Variants in ZPBP observed in about 807,000 individuals in gnomAD.
The protein encoded by ZPBP is zona pellucida binding protein, also known as zona pellucida-binding protein 1.
A neutral mutation model predicts 44.8 loss-of-function variants in ZPBP; 26 were observed. That is an observed-to-expected ratio of 0.58 (90% CI 0.43 to 0.81). The LOEUF is 0.81. Ranked by LOEUF, ZPBP falls within the 30% of genes least tolerant of loss-of-function variation. The probability of loss-of-function intolerance (pLI) is 0.00; values close to 1 mark genes in which losing one functional copy is unlikely to be tolerated. For synonymous variants in ZPBP, 174 were observed against 153.2 expected, an observed-to-expected ratio of 1.14 and a Z score of -1.00; for missense variants, 409 against 434.0, an observed-to-expected ratio of 0.94 and a Z score of 0.51.
intron 4 of ZPBP, among the ~76,000 whole-genome samples, chr7:50,031,627 C>T (rs1043086086): frequency 1.9e-4 from 29 of 152,120 alleles, no homozygotes; most frequent in Non-Finnish European, 3.5e-4. Context: ...AAGATTCTAA[C>T]TTACCGAGCC....
intron 6 of ZPBP, among the ~76,000 whole-genome samples, chr7:49,990,500 A>G (rs749006574): frequency 6.6e-6 from 1 of 152,186 alleles, no homozygotes; most frequent in African/African-American, 2.4e-5. Context: ...CCCTCTTTCT[A>G]GATGAGTAGC....
chr7:50,089,605 T>C (rs751224759), intron 2 of ZPBP, 24 bp downstream of exon 2: 4 of 1,530,558 alleles, frequency 2.6e-6, no homozygotes, highest in Non-Finnish European at 3.6e-6. Flanking sequence ...TTTTAAAAAT[T>C]AGTGAAAATA....
chr7:50,076,117 G>A (rs144233699), intron 3 of ZPBP, among the ~76,000 whole-genome samples: 24 of 151,884 alleles, frequency 1.6e-4, no homozygotes, highest in Admixed American at 4.6e-4. Flanking sequence ...ATCAATCAGC[G>A]TGATATATCA....
rs1801051007 is a variant in ZPBP at position 50,057,974 on chromosome 7, AACTTT to A, written c.487+10_487+14del. Reference sequence around the variant, plus strand: ...CATTAAGAAAGGTTAAAACACAACTAACTTTACTTCTTACCATATATAGCATATTT... The same window carrying A: ...CATTAAGAAAGGTTAAAACACAACTAACTTCTTACCATATATAGCATATTT... On this transcript the variant is annotated intron_variant, in intron 4 of 7. Transcript: ENST00000046087. 1 of 1,602,316 alleles carries A rather than the reference AACTTT, an allele frequency of 6.2e-7. No individual in the cohort carries two copies. The highest frequency in any genetic ancestry group is 1.1e-5 in the South Asian group (1 of 90,422).
chr7:50,015,678 C>T (rs549416338), intron 6 of ZPBP, among the ~76,000 whole-genome samples: 10 of 125,300 alleles, frequency 8.0e-5, no homozygotes, highest in Admixed American at 1.6e-4. Context: ...GGTCTAATAT[C>T]CAGAATCTAT....
At chr7:50,016,275 C>G (rs1185878802) in intron 6 of ZPBP, among the ~76,000 whole-genome samples, 1 of 152,146 alleles carries the variant, frequency 6.6e-6, no homozygotes, top group Non-Finnish European at 1.5e-5. Context: ...ATGAATGCAG[C>G]TGGAGGCCAT....
chr7:50,012,637 TAGAAG>T (rs1798639027), intron 6 of ZPBP, among the ~76,000 whole-genome samples: 1 of 150,404 alleles, frequency 6.6e-6, no homozygotes, highest in African/African-American at 2.5e-5. Flanking sequence ...AAATTGGGAA[TAGAAG>T]AGAACTTCCT....
intron 5 of ZPBP, among the ~76,000 whole-genome samples, chr7:50,026,539 A>G (rs1012459330): frequency 6.6e-6 from 1 of 151,996 alleles, no homozygotes; most frequent in African/African-American, 2.4e-5. Context: ...AAAGAGTCTC[A>G]GTAAGTATAA....
At chr7:49,960,305 C>T (rs1483789941) in intron 7 of ZPBP, among the ~76,000 whole-genome samples, 1 of 151,930 alleles carries the variant, frequency 6.6e-6, no homozygotes. Context: ...CCTGTAATCT[C>T]AGCTACTCGA....
chr7:50,042,346 G>A (rs1037046660), intron 4 of ZPBP, among the ~76,000 whole-genome samples: 4 of 152,152 alleles, frequency 2.6e-5, no homozygotes, highest in African/African-American at 9.7e-5. Flanking sequence ...TACTCCTCAA[G>A]AAGAGCAACC....
At chr7:49,978,954 T>C (rs534216099) in intron 7 of ZPBP, among the ~76,000 whole-genome samples, 1 of 152,006 alleles carries the variant, frequency 6.6e-6, no homozygotes, top group Non-Finnish European at 1.5e-5. Context: ...ACAGGAATGA[T>C]AACACAAAGA....
intron 7 of ZPBP, chr7:49,940,804 G>T: frequency 1.0e-6 from 1 of 985,264 alleles, no homozygotes; most frequent in Non-Finnish European, 1.2e-6. Context: ...ATGACCTTCT[G>T]ACCTGTATGA....
chr7:49,979,739 T>C (rs1304401366), intron 7 of ZPBP, among the ~76,000 whole-genome samples: 1 of 146,472 alleles, frequency 6.8e-6, no homozygotes, highest in African/African-American at 2.5e-5. Flanking sequence ...TATAAATACA[T>C]GTAATAGCTT....
intron 7 of ZPBP, among the ~76,000 whole-genome samples, chr7:49,975,598 C>T (rs913380200): frequency 2.0e-5 from 3 of 152,150 alleles, no homozygotes; most frequent in Middle Eastern, 3.2e-3. Flanking sequence ...ATTGAACTCC[C>T]GTGTTCTTCC....
At chr7:50,074,472 TAGAC>T (rs939952950) in intron 3 of ZPBP, among the ~76,000 whole-genome samples, 5 of 151,644 alleles carry the variant, frequency 3.3e-5, no homozygotes, top group Non-Finnish European at 7.4e-5. Context: ...TAATAAAAAA[TAGAC>T]AGAGTAGATG....
chr7:50,081,159 T>TG (rs1263893232), intron 3 of ZPBP, among the ~76,000 whole-genome samples: 1 of 151,732 alleles, frequency 6.6e-6, no homozygotes, highest in Non-Finnish European at 1.5e-5. Context: ...AAAATAAGCC[T>TG]GTAAGTTTCT....
downstream of ZPBP, among the ~76,000 whole-genome samples, chr7:49,935,182 A>G (rs1794578948): frequency 6.6e-6 from 1 of 152,168 alleles, no homozygotes; most frequent in African/African-American, 2.4e-5. Context: ...ATTAATTTAA[A>G]AAATTATTAA....
chr7:49,942,416 C>T (rs192415881), intron 7 of ZPBP: 37 of 156,466 alleles, frequency 2.4e-4, no homozygotes, highest in Middle Eastern at 6.3e-3. Context: ...TGTAAGCATC[C>T]TGCAAGTTTT....
chr7:49,977,924 G>T (rs774847426), intron 7 of ZPBP, among the ~76,000 whole-genome samples: 1 of 152,014 alleles, frequency 6.6e-6, no homozygotes, highest in Non-Finnish European at 1.5e-5. Context: ...ATTCCTAAAC[G>T]TTGGATATGT....
Sources: allele counts gnomAD v4.1 joint callset (sites outside exome capture counted in the v4.1 genomes callset), GRCh38; gene constraint gnomAD v4.1.1; transcripts MANE v1.5; gene names NCBI Gene and HGNC (gene_info 2026-07-23, HGNC 2026-07-21).